Variants in STX8 observed in about 807,000 individuals in gnomAD.
STX8 encodes syntaxin-8.
STX8 carries 23 observed loss-of-function variants against 37.5 expected under a neutral mutation model. That is an observed-to-expected ratio of 0.61 (90% CI 0.44 to 0.87). STX8 has a LOEUF of 0.87. STX8 is among the 40% of genes least tolerant of loss of function. STX8 has a pLI of 0.00. For missense variants in STX8, 313 were observed against 284.7 expected (o/e 1.10, Z -0.71); for synonymous variants, 115 against 99.1 (o/e 1.16, Z -0.95).
chr17:9,559,760 A>AT (rs60856219), intron 2 of STX8, among the ~76,000 whole-genome samples: 3 of 24,496 alleles, frequency 1.2e-4, no homozygotes, highest in African/African-American at 5.7e-4. Context: ...ATATATATAT[A>AT]TTTTTTTTTT....
At chr17:9,321,751 C>CTTGT (rs892960499) in intron 7 of STX8, among the ~76,000 whole-genome samples, 1 of 152,058 alleles carries the variant, frequency 6.6e-6, no homozygotes, top group African/African-American at 2.4e-5. Context: ...AACTCCTGAC[C>CTTGT]TTGTGATCTG....
intron 7 of STX8, among the ~76,000 whole-genome samples, chr17:9,368,380 T>C (rs1911298024): frequency 6.6e-6 from 1 of 152,094 alleles, no homozygotes; most frequent in African/African-American, 2.4e-5. Context: ...GGGGGGTGCC[T>C]GCAGTCCCAG....
chr17:9,428,381 C>T (rs564906039), intron 6 of STX8, among the ~76,000 whole-genome samples: 9 of 152,292 alleles, frequency 5.9e-5, no homozygotes, highest in African/African-American at 1.4e-4. Context: ...GCTGGGACTA[C>T]AGGTACCCGC....
At chr17:9,442,856 T>G (rs1904717196) in intron 6 of STX8, among the ~76,000 whole-genome samples, 1 of 152,160 alleles carries the variant, frequency 6.6e-6, no homozygotes, top group South Asian at 2.1e-4. Context: ...GCAGCCAGAC[T>G]CCTAAGAACG....
At chr17:9,551,496 T>C (rs1223381955) in intron 3 of STX8, among the ~76,000 whole-genome samples, 2 of 152,156 alleles carry the variant, frequency 1.3e-5, no homozygotes, top group Non-Finnish European at 1.5e-5. Context: ...TGAAGCACCC[T>C]GTATGCATAT....
chr17:9,422,313 GC>G (rs1597661539), intron 6 of STX8, among the ~76,000 whole-genome samples: 2 of 152,040 alleles, frequency 1.3e-5, no homozygotes, highest in East Asian at 3.9e-4. Flanking sequence ...CACTGTTTTG[GC>G]CAGGCTGGTC....
chr17:9,427,639 C>T (rs1303778778), intron 6 of STX8, among the ~76,000 whole-genome samples: 3 of 151,996 alleles, frequency 2.0e-5, no homozygotes, highest in Non-Finnish European at 2.9e-5. Context: ...GCGGCTGCCT[C>T]GAGGGATATT....
At chr17:9,261,219 G>A (rs573797856) in intron 7 of STX8, among the ~76,000 whole-genome samples, 7 of 152,322 alleles carry the variant, frequency 4.6e-5, no homozygotes, top group Non-Finnish European at 7.4e-5. Flanking sequence ...TGGTGAGGCC[G>A]CCGCTTGGTC....
intron 7 of STX8, among the ~76,000 whole-genome samples, chr17:9,324,430 GGT>G (rs1011998597): frequency 4.6e-5 from 7 of 151,994 alleles, no homozygotes; most frequent in Non-Finnish European, 7.4e-5. Context: ...GTGAGCTCCT[GGT>G]GCGCAGTGTG....
intron 6 of STX8, among the ~76,000 whole-genome samples, chr17:9,382,308 G>A (rs1195005026): frequency 6.6e-6 from 1 of 152,016 alleles, no homozygotes; most frequent in African/African-American, 2.4e-5. Context: ...AAAGATAGAT[G>A]GGATGAAAGG....
At chr17:9,367,520 T>G (rs1191610433) in intron 7 of STX8, among the ~76,000 whole-genome samples, 1 of 152,038 alleles carries the variant, frequency 6.6e-6, no homozygotes, top group Non-Finnish European at 1.5e-5. Context: ...TTCCTGGGAG[T>G]ATCCTAATGG....
intron 5 of STX8, among the ~76,000 whole-genome samples, chr17:9,493,073 G>A (rs1313024158): frequency 6.6e-6 from 1 of 151,100 alleles, no homozygotes; most frequent in Non-Finnish European, 1.5e-5. Flanking sequence ...ACTCCAGCCT[G>A]GGTGACAGAG....
At chr17:9,378,179 G>T (rs572963163) in intron 7 of STX8, 1 of 171,346 alleles carries the variant, frequency 5.8e-6, no homozygotes. Context: ...ACTAAACATA[G>T]GATTTGAACT....
chr17:9,430,030 ATATTCTATAGAATATATATATTC>A (rs1913879507), intron 6 of STX8, among the ~76,000 whole-genome samples: 1 of 39,018 alleles, frequency 2.6e-5, no homozygotes, highest in South Asian at 7.8e-4. Flanking sequence ...TATATATAAT[ATATTCTATAGAATATATATATTC>A]TATATAATAT....
At chr17:9,509,568 G>T (rs1340677729) in intron 4 of STX8, among the ~76,000 whole-genome samples, 2 of 152,026 alleles carry the variant, frequency 1.3e-5, no homozygotes, top group African/African-American at 4.8e-5. Flanking sequence ...GAAGTGAAAA[G>T]ATCATAACAG....
intron 7 of STX8, among the ~76,000 whole-genome samples, chr17:9,315,834 A>G (rs2142197659): frequency 6.6e-6 from 1 of 152,196 alleles, no homozygotes; most frequent in South Asian, 2.1e-4. Context: ...TAACATGGTG[A>G]AACGCTGTCT....
At chr17:9,549,390 A>G (rs1906675631) in intron 3 of STX8, among the ~76,000 whole-genome samples, 1 of 152,192 alleles carries the variant, frequency 6.6e-6, no homozygotes, top group Non-Finnish European at 1.5e-5. Flanking sequence ...TTGATGCTAG[A>G]AGAGGCCTTA....
rs928459293 is a variant in STX8, at chr17:9,328,055, C to G, written c.643+50497G>C. On this transcript the variant is annotated intron_variant, in intron 7 of 7. Transcript: ENST00000306357. ...CCTTTCTCTCTCTCCTCTCCCCCCA[C>G]CCCCTCTCTCTTTCTTTCTTTTCTT... Among the ~76,000 whole-genome samples, 3 of 151,250 alleles carry G rather than the reference C, an allele frequency of 2.0e-5. No homozygotes were observed. The East Asian group carries it at 5.8e-4, about 29-fold the overall frequency.
chr17:9,575,297 G>A (rs1383829183), intron 1 of STX8, among the ~76,000 whole-genome samples: 2 of 152,180 alleles, frequency 1.3e-5, no homozygotes, highest in Non-Finnish European at 2.9e-5. Context: ...CCTGTATCTG[G>A]AAGGGCCCCC....
Sources: gnomAD v4.1 joint callset for allele counts (sites outside exome capture counted in the v4.1 genomes callset) on GRCh38, gnomAD v4.1.1 for gene constraint, MANE v1.5 for transcripts, NCBI Gene and HGNC (gene_info 2026-07-23, HGNC 2026-07-21) for gene names.